TMPRSS5: variants seen among roughly 807,000 people sequenced by gnomAD.
TMPRSS5 encodes the protein transmembrane protease serine 5.
TMPRSS5 carries 45 observed loss-of-function variants against 59.7 expected under a neutral mutation model. The ratio of observed to expected loss-of-function variants is 0.75; its 90% CI spans 0.59 to 0.97. TMPRSS5 has a LOEUF of 0.97. Ranked by LOEUF, TMPRSS5 falls within the 50% of genes least tolerant of loss-of-function variation. TMPRSS5 has a pLI of 0.00. For synonymous variants in TMPRSS5, 225 were observed against 232.0 expected (o/e 0.97, Z 0.27); for missense variants, 585 against 596.7 (o/e 0.98, Z 0.20).
In TMPRSS5 at chr11:113,688,081, G is replaced by A; in HGVS notation, c.*179C>T. The A allele has an allele frequency of 1.0e-6, 1 of 983,758 alleles. No individual in the cohort carries two copies. The highest frequency in any genetic ancestry group is 1.4e-6 in the Non-Finnish European group (1 of 729,026). 60.9% of individuals were successfully genotyped at this position (983,758 alleles called of 1,614,324 possible). On this transcript the variant is annotated 3_prime_UTR_variant, in exon 13 of 13. Coordinates refer to ENST00000299882, the MANE Select transcript of TMPRSS5 (RefSeq NM_030770.4). ...GGACTCTGAAATCAGGGCCCAAGAG[G>A]AGAGACCTGTTGGCTGGGTGGCTGG...
Position 113,699,636 on chromosome 11 carries a change from AG to A in TMPRSS5, c.163del (p.Leu55TrpfsTer14). On this transcript the variant is annotated frameshift_variant, in exon 3 of 13. Transcript: ENST00000299882. LOFTEE classifies it high-confidence loss of function. ...MRRGCAVLGA[L>X]GLLAGAGVGS... ...AACACCTGCACCGGCCAGCAGCCCC[AG>A]GGCTCCCAGCACTGCACAGCCACGT... 6.3e-7 allele frequency: 1 copy of A among 1,585,650 alleles called. No individual in the cohort carries two copies. The highest frequency in any genetic ancestry group is 8.6e-7 in the Non-Finnish European group (1 of 1,166,456).
chr11:113,690,616 G>A (rs1341788231), intron 10 of TMPRSS5, among the ~76,000 whole-genome samples: 2 of 152,188 alleles, frequency 1.3e-5, no homozygotes, highest in Admixed American at 6.5e-5. Context: ...GGGACAAGGG[G>A]AGGGGGAGTA....
At chr11:113,697,891 A>AAC (rs1952974939) in intron 4 of TMPRSS5, among the ~76,000 whole-genome samples, 1 of 152,060 alleles carries the variant, frequency 6.6e-6, no homozygotes, top group Non-Finnish European at 1.5e-5. Flanking sequence ...CCCGCCCCCA[A>AAC]ACACACACAC....
chr11:113,689,628 C>T, intron 12 of TMPRSS5, 137 bp downstream of exon 12: 1 of 843,104 alleles, frequency 1.2e-6, no homozygotes, highest in Non-Finnish European at 1.7e-6. Context: ...TCACTTCTTC[C>T]TCCACTCACT....
At chr11:113,696,440 C>A (rs991732677) in intron 6 of TMPRSS5, among the ~76,000 whole-genome samples, 2 of 152,154 alleles carry the variant, frequency 1.3e-5, no homozygotes, top group African/African-American at 4.8e-5. Context: ...CTGAAATATC[C>A]GAATTATCCA....
intron 3 of TMPRSS5, 84 bp from the exon 4 acceptor site, chr11:113,699,111 C>A: frequency 6.7e-7 from 1 of 1,498,568 alleles, no homozygotes; most frequent in East Asian, 2.4e-5. Flanking sequence ...ACCTTGCTCT[C>A]AGGCAGCTCC....
rs993249570 is a variant in TMPRSS5, at chr11:113,694,651, A to G, written c.623-11T>C. The G allele has an allele frequency of 4.6e-6, 7 of 1,533,048 alleles. No individual in the cohort carries two copies. The highest frequency in any genetic ancestry group is 1.4e-5 in the African/African-American group (1 of 71,768). The allele number at this position is 1,533,048 out of a possible 1,614,324, so 95.0% of individuals were successfully genotyped here. On this transcript the variant is annotated splice_polypyrimidine_tract_variant and intron_variant, in intron 7 of 12. Transcript: ENST00000299882. ...GCCTCGCTCCACACTCTGCCAACAGAGATGGGTGAGATAGAAAGAGAGAGA... is the reference window on the plus strand; with the variant it reads ...GCCTCGCTCCACACTCTGCCAACAGGGATGGGTGAGATAGAAAGAGAGAGA...
At chr11:113,698,321 T>A (rs886927842) in intron 4 of TMPRSS5, among the ~76,000 whole-genome samples, 1 of 152,152 alleles carries the variant, frequency 6.6e-6, no homozygotes, top group African/African-American at 2.4e-5. Context: ...CCTTAAACAA[T>A]TTGTGCAGTA....
Position 113,687,961 on chromosome 11 carries a change from T to A in TMPRSS5, c.*299A>T. On this transcript the variant is annotated 3_prime_UTR_variant, in exon 13 of 13. Transcript: ENST00000299882. Reference sequence around the variant, plus strand: ...TTCTAGCAGCCTCTTCATCTCCAGCTCCTACCTCTCTCCTCCCCCTCATCC... The same window carrying A: ...TTCTAGCAGCCTCTTCATCTCCAGCACCTACCTCTCTCCTCCCCCTCATCC... 1 of 355,072 alleles carries A rather than the reference T, an allele frequency of 2.8e-6. No individual in the cohort carries two copies. 22.0% of individuals were successfully genotyped at this position (355,072 alleles called of 1,614,324 possible). A position where few individuals can be genotyped will look rare whatever the true frequency, so the allele number is the denominator to read the frequency against.
rs1302164653 is a variant in TMPRSS5 at position 113,700,069 on chromosome 11, G to C, written c.103C>G (p.Pro35Ala). ...FRAEPGDQQH[P>A]ISQAVCWRSM... ...CCTATGGCCCAGTCTGGCCTACTGG[G>C]ATGCTGCTGGTCTCCAGGCTCTGCT... The change falls in exon 2 of 13, where the codon CCC becomes GCC. Residue 35 changes from proline to alanine, a missense_variant. Coordinates refer to ENST00000299882, the MANE Select transcript of TMPRSS5 (RefSeq NM_030770.4). 1 of 1,563,254 alleles carries C rather than the reference G, an allele frequency of 6.4e-7. No homozygotes were observed. The highest frequency in any genetic ancestry group is 1.4e-5 in the African/African-American group (1 of 73,808).
intron 6 of TMPRSS5, among the ~76,000 whole-genome samples, chr11:113,695,758 C>T (rs1239246070): frequency 2.6e-5 from 4 of 152,260 alleles, no homozygotes; most frequent in Non-Finnish European, 4.4e-5. Flanking sequence ...ACACTGTTCC[C>T]ACTAAGTGTC....
intron 9 of TMPRSS5, among the ~76,000 whole-genome samples, chr11:113,691,982 G>T (rs952434735): frequency 7.0e-6 from 1 of 142,932 alleles, no homozygotes; most frequent in African/African-American, 2.7e-5. Flanking sequence ...CTGCCTCCCA[G>T]GTTCAAGTGA....
intron 9 of TMPRSS5, among the ~76,000 whole-genome samples, chr11:113,691,892 C>CCTTTTTTTT (rs1952790653): frequency 2.5e-5 from 3 of 121,114 alleles, no homozygotes; most frequent in Admixed American, 9.1e-5. Context: ...CCTTTTTTTT[C>CCTTTTTTTT]TTTTTTTTTT....
chr11:113,690,540 G>C (rs1057046011), intron 10 of TMPRSS5, among the ~76,000 whole-genome samples, 167 bp from the exon 11 acceptor site: 1 of 152,106 alleles, frequency 6.6e-6, no homozygotes, highest in Non-Finnish European at 1.5e-5. Context: ...TATCGGACTT[G>C]GGGGCTGGGA....
rs1333861955 is a variant in TMPRSS5 at position 113,688,078 on chromosome 11, G to A, written c.*182C>T. The A allele has an allele frequency of 5.3e-6, 5 of 939,070 alleles. No homozygotes were observed. The highest frequency in any genetic ancestry group is 5.8e-6 in the Non-Finnish European group (4 of 693,030). 58.2% of individuals were successfully genotyped at this position (939,070 alleles called of 1,614,324 possible). ...AGAGGACTCTGAAATCAGGGCCCAA[G>A]AGGAGAGACCTGTTGGCTGGGTGGC... On this transcript the variant is annotated 3_prime_UTR_variant, in exon 13 of 13. Transcript: ENST00000299882.
rs150617034 is a variant in TMPRSS5 at position 113,705,901 on chromosome 11, G to GA, written c.3+320dup. Reference sequence around the variant, plus strand: ...CTGCCCAAGCTCATGTGCTAGCCTAGAAAAAAAAATGGCCTTTAAAATTAC... The same window carrying GA: ...CTGCCCAAGCTCATGTGCTAGCCTAGAAAAAAAAAATGGCCTTTAAAATTAC... On this transcript the variant is annotated intron_variant, in intron 1 of 12. Transcript: ENST00000299882. Among the ~76,000 whole-genome samples, 245 of 151,276 alleles carry GA rather than the reference G, an allele frequency of 1.6e-3. 1 individual carries two copies. Among genetic ancestry groups the GA allele is most frequent in the African/African-American group, 5.3e-3 (218 of 41,300 alleles).
At position 113,699,272 on chromosome 11, in the gene TMPRSS5, C is replaced by CCCCCCTCTCTCTCCCT. The variant is rs1565263847; in HGVS notation, c.206-246_206-245insAGGGAGAGAGAGGGGG. On this transcript the variant is annotated intron_variant, in intron 3 of 12. Transcript: ENST00000299882. Reference sequence around the variant, plus strand: ...CTCTCTCTCTCTCTCTCTCTCTCTCCCTCTCTCTCTCTCTCTCTCTGTCTC... The same window carrying CCCCCCTCTCTCTCCCT: ...CTCTCTCTCTCTCTCTCTCTCTCTCCCCCCCTCTCTCTCCCTCTCTCTCTCTCTCTCTCTCTGTCTC... Among the ~76,000 whole-genome samples the CCCCCCTCTCTCTCCCT allele has an allele frequency of 1.2e-3, 29 of 24,040 alleles. 3 individuals are homozygous for CCCCCCTCTCTCTCCCT. The highest frequency in any genetic ancestry group is 4.0e-3 in the East Asian group (3 of 744). 15.8% of individuals were successfully genotyped at this position (24,040 alleles called of 152,430 possible).
At chr11:113,697,034 A>T (rs998895139) in intron 5 of TMPRSS5, 63 bp from the exon 6 acceptor site, 1 of 1,306,910 alleles carries the variant, frequency 7.7e-7, no homozygotes, top group Non-Finnish European at 1.1e-6. Context: ...GAGATATAAT[A>T]CTAGTATAGT....
chr11:113,688,237 G>A lies in TMPRSS5; in HGVS notation c.*23C>T, dbSNP rs1210317856. The A allele has an allele frequency of 1.9e-6, 3 of 1,576,690 alleles. No homozygotes were observed. Among genetic ancestry groups the A allele is most frequent in the Non-Finnish European group, 2.6e-6 (3 of 1,161,470 alleles). On this transcript the variant is annotated 3_prime_UTR_variant, in exon 13 of 13. Transcript: ENST00000299882. ...GAAGCATGAGGCAGTGGTGTGCAGT[G>A]AGACTGGAGGAAACAGCAGGACTCA...
Sources: allele counts gnomAD v4.1 joint callset (sites outside exome capture counted in the v4.1 genomes callset), GRCh38; gene constraint gnomAD v4.1.1; transcripts MANE v1.5; gene names NCBI Gene and HGNC (gene_info 2026-07-23, HGNC 2026-07-21).